ZNF711: variants seen among roughly 807,000 people sequenced by gnomAD.
ZNF711 encodes zinc finger protein 711.
Under a neutral mutation model 43.5 loss-of-function variants are expected in ZNF711, and 3 were observed. That is an observed-to-expected ratio of 0.07 (90% CI 0.03 to 0.18). The LOEUF (loss-of-function observed/expected upper bound fraction) is 0.18, where lower values mean the gene tolerates loss of function less well. Ranked by LOEUF, ZNF711 falls within the 10% of genes least tolerant of loss-of-function variation. ZNF711 has a pLI of 1.00. For missense variants in ZNF711, 412 were observed against 604.0 expected, an observed-to-expected ratio of 0.68 and a Z score of 3.33; for synonymous variants, 209 against 207.7, an observed-to-expected ratio of 1.01 and a Z score of -0.06.
At chrX:85,245,175 C>A (rs1173622166) in intron 1 of ZNF711, among the ~76,000 whole-genome samples, 1 of 112,033 alleles carries the variant, frequency 8.9e-6, no homozygotes, top group African/African-American at 3.3e-5. Context: ...GCCGCCTTAC[C>A]ATTTCTCATC....
chrX:85,254,965 A>G (rs2147817648), intron 4 of ZNF711, among the ~76,000 whole-genome samples: 1 of 111,678 alleles, frequency 9.0e-6, no homozygotes, highest in African/African-American at 3.3e-5. Flanking sequence ...TAACTGTTTT[A>G]ATTGGAATGT....
chrX:85,249,263 G>A (rs2147792922), intron 4 of ZNF711, among the ~76,000 whole-genome samples: 1 of 112,019 alleles, frequency 8.9e-6, no homozygotes, highest in South Asian at 3.7e-4. Context: ...AGAGTTGATA[G>A]TTTTTAGAAT....
intron 8 of ZNF711, among the ~76,000 whole-genome samples, chrX:85,267,960 A>G (rs1931245501): frequency 9.0e-6 from 1 of 111,687 alleles, no homozygotes; most frequent in African/African-American, 3.2e-5. Flanking sequence ...GCATTAATTT[A>G]TCTAAACTTG....
intron 5 of ZNF711, among the ~76,000 whole-genome samples, chrX:85,261,399 C>A: frequency 9.1e-6 from 1 of 110,286 alleles, no homozygotes; most frequent in Non-Finnish European, 1.9e-5. Flanking sequence ...GGGTATATAC[C>A]TGGGAGTGGC....
chrX:85,269,947 G>T (rs1422318877), intron 9 of ZNF711, 56 bp from the exon 10 acceptor site: 9 of 1,181,453 alleles, frequency 7.6e-6, no homozygotes, highest in Non-Finnish European at 1.0e-5. Flanking sequence ...TCATTCAACA[G>T]AACCAAAAAA....
At chrX:85,269,696 A>T (rs1017405139) in intron 9 of ZNF711, among the ~76,000 whole-genome samples, 2 of 111,647 alleles carry the variant, frequency 1.8e-5, no homozygotes, top group Admixed American at 9.5e-5. Flanking sequence ...CTTATATTAC[A>T]TTCATCTTAT....
chrX:85,267,661 ATAAG>A lies in ZNF711; in HGVS notation c.1054+248_1054+251del, dbSNP rs1931204005. ...ATGATCTATTTTAAATCCTACCTGT[ATAAG>A]TGAGTGCCATAAAAAATTTTATTTT... On this transcript the variant is annotated intron_variant, in intron 8 of 10. Transcript: ENST00000674551. Among the ~76,000 whole-genome samples, 5 of 111,773 alleles carry A rather than the reference ATAAG, an allele frequency of 4.5e-5. No individual in the cohort carries two copies. In the South Asian group the frequency reaches 1.8e-3, roughly 41 times the overall value.
In ZNF711 at chrX:85,257,467, A is replaced by C. The variant is rs902807181; in HGVS notation, c.622+1666A>C. Among the ~76,000 whole-genome samples the C allele has an allele frequency of 3.6e-5, 4 of 111,981 alleles. No homozygotes were observed. The East Asian group carries it at 8.4e-4, about 24-fold the overall frequency. On this transcript the variant is annotated intron_variant, in intron 5 of 10. Transcript: ENST00000674551. The stretch of plus-strand genomic sequence containing the variant: ...ATTAATTTGCTTAGAATAATGACCC[A>C]CAGCAGCATCCATATTACTACAAAG...
intron 5 of ZNF711, among the ~76,000 whole-genome samples, chrX:85,259,354 C>A (rs1372835691): frequency 9.0e-6 from 1 of 111,033 alleles, no homozygotes; most frequent in Non-Finnish European, 1.9e-5. Context: ...TGGCTTTGTT[C>A]TTTTTGCTTA....
At chrX:85,255,110 A>G (rs1461865743) in intron 4 of ZNF711, 149 bp from the exon 5 acceptor site, 2 of 565,182 alleles carry the variant, frequency 3.5e-6, no homozygotes, top group African/African-American at 2.3e-5. Flanking sequence ...TTTTAATTGC[A>G]GTTAAATTGT....
intron 5 of ZNF711, among the ~76,000 whole-genome samples, chrX:85,262,475 TTTAA>T (rs1289021773): frequency 1.7e-4 from 19 of 110,789 alleles, no homozygotes; most frequent in African/African-American, 5.9e-4. Context: ...ATATTCTGTT[TTTAA>T]TTAATGAGAA....
intron 5 of ZNF711, among the ~76,000 whole-genome samples, chrX:85,257,554 C>A (rs1930275010): frequency 8.9e-6 from 1 of 111,988 alleles, no homozygotes; most frequent in Non-Finnish European, 1.9e-5. Flanking sequence ...TACCACATTT[C>A]CTTTATCCAG....
chrX:85,254,933 G>T (rs1412319372), intron 4 of ZNF711, among the ~76,000 whole-genome samples: 1 of 111,821 alleles, frequency 8.9e-6, no homozygotes, highest in African/African-American at 3.3e-5. Context: ...CCAGCCTATG[G>T]TGCTATCACT....
intron 1 of ZNF711, among the ~76,000 whole-genome samples, 162 bp from the exon 2 acceptor site, chrX:85,245,741 G>A (rs1928984009): frequency 8.9e-6 from 1 of 111,898 alleles, no homozygotes; most frequent in Non-Finnish European, 1.9e-5. Flanking sequence ...TGTTTTTGTT[G>A]GAATCCGTTG....
intron 1 of ZNF711, among the ~76,000 whole-genome samples, 155 bp from the exon 2 acceptor site, chrX:85,245,748 G>C (rs984085593): frequency 8.9e-6 from 1 of 112,103 alleles, no homozygotes; most frequent in South Asian, 3.7e-4. Context: ...GTTGGAATCC[G>C]TTGGGTTGCT....
At position 85,271,673 on chromosome X, in the gene ZNF711, T is replaced by C; in HGVS notation, c.2269T>C (p.Tyr757His). Residue 757 changes from tyrosine (Y) to histidine (H), a missense_variant, in exon 11 of 11, where the codon TAC becomes CAC. Around this residue, in one of 4 missense-constraint regions of ZNF711, gnomAD observed 25 missense variants for 52.9 expected, o/e 0.47. Transcript: ENST00000674551. ...GATTTACCAATGTGAGTATTGTGAA[T>C]ACAGCACTACAGATGCATCTGGCTT... ...RKIYQCEYCEYSTTDASGFKR... is the reference protein window; with the variant it reads ...RKIYQCEYCEHSTTDASGFKR... The C allele has an allele frequency of 8.3e-7, 1 of 1,209,774 alleles. No homozygotes were observed. Among genetic ancestry groups the C allele is most frequent in the Non-Finnish European group, 1.1e-6 (1 of 894,386 alleles).
intron 9 of ZNF711, 132 bp from the exon 10 acceptor site, chrX:85,269,871 A>C: frequency 1.7e-6 from 1 of 585,769 alleles, no homozygotes; most frequent in Non-Finnish European, 2.9e-6. Flanking sequence ...GAGAATCATA[A>C]GATGGATATA....
chrX:85,265,656 G>GA (rs920607723), intron 7 of ZNF711, among the ~76,000 whole-genome samples: 25 of 107,889 alleles, frequency 2.3e-4, no homozygotes, highest in African/African-American at 5.0e-4. Flanking sequence ...CTTATGGAAG[G>GA]AAAAAAAAAG....
intron 7 of ZNF711, among the ~76,000 whole-genome samples, chrX:85,265,549 T>A: frequency 9.0e-6 from 1 of 110,975 alleles, no homozygotes; most frequent in Non-Finnish European, 1.9e-5. Context: ...ATGTAATTAC[T>A]GAGTACCTAC....
Sources: allele counts gnomAD v4.1 joint callset (sites outside exome capture counted in the v4.1 genomes callset), GRCh38; gene constraint gnomAD v4.1.1; regional missense constraint gnomAD v4.1.1; transcripts MANE v1.5; gene names NCBI Gene and HGNC (gene_info 2026-07-23, HGNC 2026-07-21).